PTPRR: variants seen among roughly 807,000 people sequenced by gnomAD.
PTPRR encodes receptor-type tyrosine-protein phosphatase R.
Under a neutral mutation model 77.2 loss-of-function variants are expected in PTPRR, and 38 were observed. That is an observed-to-expected ratio of 0.49 (90% CI 0.38 to 0.65). The LOEUF is 0.65. Ranked by LOEUF, PTPRR falls within the 30% of genes least tolerant of loss-of-function variation. PTPRR has a pLI of 0.00. For missense variants in PTPRR, 744 were observed against 799.2 expected (o/e 0.93, Z 0.83); for synonymous variants, 299 against 283.1 (o/e 1.06, Z -0.57).
Position 70,764,777 on chromosome 12 carries a change from G to T in PTPRR, c.359C>A (p.Thr120Lys). The T allele has an allele frequency of 6.2e-7, 1 of 1,608,520 alleles. No individual in the cohort carries two copies. Among genetic ancestry groups the T allele is most frequent in the Non-Finnish European group, 8.5e-7 (1 of 1,174,940 alleles). The change falls in exon 3 of 14, where the codon ACA becomes AAA. Residue 120 changes from threonine to lysine, a missense_variant and splice_region_variant. By Grantham distance (78) the Thr-to-Lys change is moderately conservative (BLOSUM62 -1). Transcript: ENST00000283228. ...CAGCTTGTTTACATCCATTTGCAGTGTCTAGAAAATAAGGACAAAAATAAA... is the reference window on the plus strand; with the variant it reads ...CAGCTTGTTTACATCCATTTGCAGTTTCTAGAAAATAAGGACAAAAATAAA... The part of the protein sequence containing the change: ...PIPAANVIVV[T>K]LQMDVNKLNI...
In PTPRR at chr12:70,857,261, G is replaced by C. The variant is rs117712143; in HGVS notation, c.357+35418C>G. Among the ~76,000 whole-genome samples, 690 of 152,298 alleles carry C rather than the reference G, an allele frequency of 4.5e-3. 2 individuals are homozygous for C. The highest frequency in any genetic ancestry group is 6.9e-3 in the Non-Finnish European group (471 of 68,010). ...GGAAAGCTGAGAAAGAACAGACAGA[G>C]TAGTAGTAGGAAAGGCCGGAGAATA... On this transcript the variant is annotated intron_variant, in intron 2 of 13. Transcript: ENST00000283228.
At chr12:70,657,091 C>A (rs1592641144) in intron 12 of PTPRR, among the ~76,000 whole-genome samples, 1 of 152,034 alleles carries the variant, frequency 6.6e-6, no homozygotes, top group Admixed American at 6.6e-5. Flanking sequence ...TAATTAAGGT[C>A]TGCACTTAGG....
chr12:70,661,074 C>T lies in PTPRR; in HGVS notation c.1632G>A (p.Val544=). Reference sequence around the variant, plus strand: ...GCCATGAGGTGTACCAGTAATGCTTCACATGTTGGGTGTGGCTTCCTTGCT... The same window carrying T: ...GCCATGAGGTGTACCAGTAATGCTTTACATGTTGGGTGTGGCTTCCTTGCT... The part of the protein sequence containing the change: ...VLKQGSHTQH[V]KHYWYTSWPD... Residue 544 remains valine (V), a synonymous_variant, in exon 12 of 14, where the codon GTG becomes GTA. Coordinates refer to ENST00000283228, the MANE Select transcript of PTPRR (RefSeq NM_002849.4). 3 of 1,611,956 alleles carry T rather than the reference C, an allele frequency of 1.9e-6. No homozygotes were observed. Among genetic ancestry groups the T allele is most frequent in the Non-Finnish European group, 2.5e-6 (3 of 1,178,920 alleles).
intron 2 of PTPRR, among the ~76,000 whole-genome samples, chr12:70,880,901 A>G (rs1893138865): frequency 6.6e-6 from 1 of 152,094 alleles, no homozygotes; most frequent in African/African-American, 2.4e-5. Context: ...CATAGACTTG[A>G]TTTTATCAAT....
At chr12:70,674,243 C>G (rs1050283565) in intron 10 of PTPRR, among the ~76,000 whole-genome samples, 15 of 152,080 alleles carry the variant, frequency 9.9e-5, no homozygotes, top group Non-Finnish European at 2.1e-4. Flanking sequence ...CCTCATCAAT[C>G]CTTTTATCTT....
At chr12:70,783,192 A>AG (rs146572846) in intron 2 of PTPRR, among the ~76,000 whole-genome samples, 10,598 of 152,174 alleles carry the variant, frequency 0.07, 364 homozygotes, top group Middle Eastern at 0.088. Context: ...AGCTTTATTA[A>AG]GTGTTAGAAC....
intron 2 of PTPRR, among the ~76,000 whole-genome samples, chr12:70,848,468 C>A (rs947348885): frequency 1.3e-5 from 2 of 152,084 alleles, no homozygotes; most frequent in Non-Finnish European, 2.9e-5. Flanking sequence ...GTGCATGCCA[C>A]CATGCCCAGC....
At position 70,639,557 on chromosome 12, in the gene PTPRR, T is replaced by A. The variant is rs1566035623; in HGVS notation, c.1881-280A>T. 2.7e-6 allele frequency: 3 copies of A among 1,114,286 alleles called. No individual in the cohort carries two copies. In the African/African-American group the frequency reaches 4.9e-5, roughly 18 times the overall value. 69.0% of individuals were successfully genotyped at this position (1,114,286 alleles called of 1,614,324 possible). On this transcript the variant is annotated intron_variant, in intron 13 of 13. Coordinates refer to ENST00000283228, the MANE Select transcript of PTPRR (RefSeq NM_002849.4). ...CTGGGGAGGTGGTACAGCCTAATGA[T>A]CAAGTACTTGGATTTGGCATCAGCC...
intron 2 of PTPRR, among the ~76,000 whole-genome samples, chr12:70,841,733 C>T (rs1172742592): frequency 1.3e-5 from 2 of 151,898 alleles, no homozygotes; most frequent in Non-Finnish European, 2.9e-5. Context: ...CATCATTTTC[C>T]TAAATCTAAT....
At chr12:70,786,448 G>A (rs1372168493) in intron 2 of PTPRR, among the ~76,000 whole-genome samples, 1 of 152,102 alleles carries the variant, frequency 6.6e-6, no homozygotes, top group Non-Finnish European at 1.5e-5. Flanking sequence ...AGTCCTTACA[G>A]GTCATTGGAG....
intron 10 of PTPRR, among the ~76,000 whole-genome samples, chr12:70,670,909 T>C (rs1243658083): frequency 6.6e-6 from 1 of 152,232 alleles, no homozygotes; most frequent in African/African-American, 2.4e-5. Context: ...TTTTCAGCTA[T>C]GTATATTTTC....
intron 2 of PTPRR, among the ~76,000 whole-genome samples, chr12:70,781,352 G>C (rs1315824770): frequency 6.6e-6 from 1 of 152,176 alleles, no homozygotes; most frequent in East Asian, 1.9e-4. Flanking sequence ...GGTTCCAAAA[G>C]AGGTTTCTCA....
chr12:70,772,022 C>T (rs1244881096), intron 2 of PTPRR, among the ~76,000 whole-genome samples: 1 of 152,050 alleles, frequency 6.6e-6, no homozygotes, highest in Non-Finnish European at 1.5e-5. Context: ...ATGATAATAT[C>T]ATAATTATCA....
chr12:70,764,847 A>C (rs1890778000), intron 2 of PTPRR, 69 bp from the exon 3 acceptor site: 1 of 1,157,500 alleles, frequency 8.6e-7, no homozygotes. Flanking sequence ...GAATACATCC[A>C]AATAAGTATT....
At chr12:70,743,174 C>T (rs537301630) in intron 6 of PTPRR, among the ~76,000 whole-genome samples, 7 of 151,774 alleles carry the variant, frequency 4.6e-5, no homozygotes, top group African/African-American at 1.5e-4. Context: ...TGGAGGAGAC[C>T]GAAGGTAGCC....
chr12:70,652,534 G>T (rs556399789), intron 13 of PTPRR, among the ~76,000 whole-genome samples: 1 of 152,098 alleles, frequency 6.6e-6, no homozygotes, highest in Non-Finnish European at 1.5e-5. Context: ...ATGCAGAAAG[G>T]GTCTTGATGA....
chr12:70,776,627 C>G (rs1891094208), intron 2 of PTPRR, among the ~76,000 whole-genome samples: 1 of 152,254 alleles, frequency 6.6e-6, no homozygotes, highest in Non-Finnish European at 1.5e-5. Context: ...CATGCCATGT[C>G]CTTTTCACAT....
At chr12:70,884,770 G>T (rs924636994) in intron 2 of PTPRR, among the ~76,000 whole-genome samples, 2 of 150,550 alleles carry the variant, frequency 1.3e-5, no homozygotes, top group South Asian at 2.1e-4. Flanking sequence ...TACTCCGGAG[G>T]CTGAGGCCAG....
At chr12:70,859,523 T>C (rs1357925825) in intron 2 of PTPRR, among the ~76,000 whole-genome samples, 1 of 151,944 alleles carries the variant, frequency 6.6e-6, no homozygotes, top group Non-Finnish European at 1.5e-5. Context: ...AGGGGGGTAA[T>C]TGATGGAGCT....
Sources: gnomAD v4.1 joint callset for allele counts (sites outside exome capture counted in the v4.1 genomes callset) on GRCh38, gnomAD v4.1.1 for gene constraint, MANE v1.5 for transcripts, NCBI Gene and HGNC (gene_info 2026-07-23, HGNC 2026-07-21) for gene names.